Variants in SPATA7 observed in about 807,000 individuals in gnomAD.
SPATA7 encodes spermatogenesis associated 7, also known as spermatogenesis-associated protein 7.
In SPATA7, 43 loss-of-function variants were observed where a neutral mutation model predicts 51.8. The observed-to-expected ratio is 0.83, with a 90% CI of 0.65 to 1.07. The LOEUF is 1.07. SPATA7 is among the 50% of genes least tolerant of loss of function. The pLI is 0.00. For missense variants in SPATA7, 683 were observed against 701.3 expected, an observed-to-expected ratio of 0.97 and a Z score of 0.30; for synonymous variants, 230 against 252.8, an observed-to-expected ratio of 0.91 and a Z score of 0.86.
intron 1 of SPATA7, among the ~76,000 whole-genome samples, chr14:88,389,686 G>A (rs2075686559): frequency 6.6e-6 from 1 of 152,154 alleles, no homozygotes; most frequent in African/African-American, 2.4e-5. Context: ...GATTCCTGGG[G>A]CCAAATATTA....
intron 5 of SPATA7, among the ~76,000 whole-genome samples, chr14:88,420,530 A>G (rs2139975745): frequency 6.6e-6 from 1 of 152,224 alleles, no homozygotes; most frequent in Middle Eastern, 3.4e-3. Flanking sequence ...TCTATCTCTC[A>G]GCTGAAACAG....
chr14:88,389,147 A>G (rs73319862), intron 1 of SPATA7, among the ~76,000 whole-genome samples: 5,341 of 152,200 alleles, frequency 0.035, 303 homozygotes, highest in African/African-American at 0.12. Context: ...ACAAAGGAGG[A>G]ACCAGAAACT....
At chr14:88,460,015 G>A (rs191808073), downstream of SPATA7, among the ~76,000 whole-genome samples, 412 of 149,916 alleles carry the variant, frequency 2.7e-3, 1 homozygote, top group Admixed American at 5.2e-3. Context: ...TTGAAAATTC[G>A]TTTAAGAATG....
intron 4 of SPATA7, among the ~76,000 whole-genome samples, chr14:88,464,955 T>A (rs1245936470): frequency 6.6e-6 from 1 of 152,212 alleles, no homozygotes; most frequent in Non-Finnish European, 1.5e-5. Flanking sequence ...CACGTCATGC[T>A]GTCGCCACTC....
At chr14:88,464,747 T>G (rs72695828) in intron 4 of SPATA7, among the ~76,000 whole-genome samples, 1 of 147,538 alleles carries the variant, frequency 6.8e-6, no homozygotes, top group Non-Finnish European at 1.5e-5. Flanking sequence ...AAAAAAAAAG[T>G]CTTATTTACA....
At chr14:88,467,706 G>A (rs1434586100) in intron 4 of SPATA7, 1 of 175,330 alleles carries the variant, frequency 5.7e-6, no homozygotes, top group Admixed American at 6.3e-5. Context: ...ACACAAAGTT[G>A]TTTCTCACTA....
At chr14:88,470,346 C>T (rs141542566) in exon 5 of SPATA7, 1 of 357,544 alleles carries the variant, frequency 2.8e-6, no homozygotes, top group Non-Finnish European at 5.1e-6. Flanking sequence ...TACTGCCTAC[C>T]GTCATAGGGT....
intron 3 of SPATA7, among the ~76,000 whole-genome samples, chr14:88,446,152 CA>C (rs2077210554): frequency 6.6e-6 from 1 of 152,200 alleles, no homozygotes; most frequent in South Asian, 2.1e-4. Context: ...ATTATTGCCA[CA>C]ATTTCAGATC....
intron 9 of SPATA7, 116 bp from the exon 10 acceptor site, chr14:88,433,019 A>G: frequency 1.3e-6 from 1 of 743,846 alleles, no homozygotes; most frequent in Middle Eastern, 2.9e-4. Context: ...AATATGAGAT[A>G]GAAGTACATT....
At chr14:88,458,402 T>G (rs2077298200), downstream of SPATA7, among the ~76,000 whole-genome samples, 1 of 152,106 alleles carries the variant, frequency 6.6e-6, no homozygotes, top group African/African-American at 2.4e-5. Flanking sequence ...CAATTTCAGA[T>G]CCTGTTATTG....
intron 4 of SPATA7, among the ~76,000 whole-genome samples, chr14:88,404,501 G>A (rs2076152507): frequency 6.6e-6 from 1 of 152,158 alleles, no homozygotes; most frequent in Admixed American, 6.5e-5. Flanking sequence ...AGGATCACTT[G>A]AGGTCATGAG....
At chr14:88,395,842 T>C (rs575959772) in intron 3 of SPATA7, among the ~76,000 whole-genome samples, 30 of 152,268 alleles carry the variant, frequency 2.0e-4, no homozygotes, top group African/African-American at 7.0e-4. Flanking sequence ...AGTCTTGAAA[T>C]CAGGTAGTGT....
Position 88,416,817 on chromosome 14 carries a change from C to T in SPATA7, c.345C>T (p.Ser115=), listed in dbSNP as rs754923626. The T allele has an allele frequency of 3.7e-5, 60 of 1,601,598 alleles. No homozygotes were observed. The Admixed American group carries it at 1.0e-3, about 27-fold the overall frequency. ...TAMRANYKNN[S]KSLFNTLQKP... is the part of the protein sequence containing the mutation. ...TGCGAGCCAATTATAAAAATAATTC[C>T]AAGTCACTTTTTAATACCTTACAAA... Residue 115 remains serine, a synonymous_variant, in exon 5 of 12, where the codon TCC becomes TCT. Transcript: ENST00000393545.
At chr14:88,421,912 C>T (rs1174304091) in intron 5 of SPATA7, among the ~76,000 whole-genome samples, 1 of 149,146 alleles carries the variant, frequency 6.7e-6, no homozygotes, top group African/African-American at 2.5e-5. Context: ...TGTGCCACTG[C>T]ACTCCAGCCT....
intron 4 of SPATA7, among the ~76,000 whole-genome samples, chr14:88,465,338 A>C (rs1405785348): frequency 6.6e-6 from 1 of 152,058 alleles, no homozygotes; most frequent in Non-Finnish European, 1.5e-5. Context: ...ATAGTGGTGC[A>C]TGCCTGTAAT....
At chr14:88,468,190 T>C in intron 4 of SPATA7, 3 of 1,613,292 alleles carry the variant, frequency 1.9e-6, no homozygotes, top group Non-Finnish European at 2.5e-6. Flanking sequence ...TACACAAATG[T>C]GTACTGGCAG....
rs370923060 is a variant in SPATA7 at position 88,429,532 on chromosome 14, A to G, written c.1028+69A>G. On this transcript the variant is annotated intron_variant, in intron 8 of 11. Transcript: ENST00000393545. ...CCTTCTTGTATAACAGACATATAGT[A>G]TTTGCCGCATAAGTACTATTTAATT... The G allele has an allele frequency of 4.7e-5, 46 of 987,158 alleles. No homozygotes were observed. In the Admixed American group the frequency reaches 8.1e-4, roughly 17 times the overall value. 61.1% of individuals were successfully genotyped at this position (987,158 alleles called of 1,614,324 possible). A position where few individuals can be genotyped will look rare whatever the true frequency, so the allele number is the denominator to read the frequency against.
intron 3 of SPATA7, 134 bp from the exon 4 acceptor site, chr14:88,396,022 A>C: frequency 2.8e-6 from 2 of 725,182 alleles, no homozygotes; most frequent in Non-Finnish European, 5.0e-6. Context: ...TTTTTAATCA[A>C]GGATCTTGTG....
At chr14:88,427,186 A>C (rs1278049862) in intron 6 of SPATA7, among the ~76,000 whole-genome samples, 1 of 152,190 alleles carries the variant, frequency 6.6e-6, no homozygotes, top group East Asian at 1.9e-4. Context: ...AATTGGGATA[A>C]TTTCTAGAAA....
Sources: allele counts gnomAD v4.1 joint callset (sites outside exome capture counted in the v4.1 genomes callset), GRCh38; gene constraint gnomAD v4.1.1; transcripts MANE v1.5; gene names NCBI Gene and HGNC (gene_info 2026-07-23, HGNC 2026-07-21).